POLR3B: variants seen among roughly 807,000 people sequenced by gnomAD.
POLR3B encodes the protein RNA polymerase III subunit B, also known as DNA-directed RNA polymerase III subunit RPC2.
Under a neutral mutation model 147.4 loss-of-function variants are expected in POLR3B, and 96 were observed. The observed-to-expected ratio is 0.65, with a 90% CI of 0.55 to 0.77. The LOEUF (loss-of-function observed/expected upper bound fraction) is 0.77. Among genes scored for constraint, POLR3B ranks in the 30% least tolerant of loss-of-function variants. The pLI, the probability that POLR3B is intolerant of heterozygous loss-of-function variation, is 0.00. For synonymous variants in POLR3B, 461 were observed against 485.9 expected (o/e 0.95, Z 0.67); for missense variants, 1,036 against 1,413.5 (o/e 0.73, Z 4.28).
intron 7 of POLR3B, 144 bp from the exon 8 acceptor site, chr12:106,378,123 A>G: frequency 1.5e-6 from 1 of 648,884 alleles, no homozygotes; most frequent in Non-Finnish European, 2.8e-6. Flanking sequence ...AAATAAAATC[A>G]GCAACCCCTT....
At chr12:106,364,832 A>C (rs997777816) in intron 2 of POLR3B, among the ~76,000 whole-genome samples, 3 of 152,218 alleles carry the variant, frequency 2.0e-5, no homozygotes, top group African/African-American at 7.2e-5. Flanking sequence ...GCTAAGTGAA[A>C]GAATGGAGAC....
intron 16 of POLR3B, among the ~76,000 whole-genome samples, chr12:106,435,590 C>T (rs2037566618): frequency 6.6e-6 from 1 of 152,120 alleles, no homozygotes; most frequent in African/African-American, 2.4e-5. Context: ...TTGTGTGACT[C>T]TGAGTATACT....
chr12:106,453,269 C>T (rs1316252486), intron 19 of POLR3B, among the ~76,000 whole-genome samples: 2 of 152,042 alleles, frequency 1.3e-5, no homozygotes, highest in Non-Finnish European at 2.9e-5. Context: ...ACATCGACCT[C>T]GCAAAGTGCT....
intron 4 of POLR3B, 142 bp downstream of exon 4, chr12:106,366,864 G>C: frequency 1.4e-6 from 1 of 704,464 alleles, no homozygotes; most frequent in Non-Finnish European, 2.5e-6. Flanking sequence ...AGCACTTTGG[G>C]AGGCCGAGGT....
intron 7 of POLR3B, among the ~76,000 whole-genome samples, 198 bp downstream of exon 7, chr12:106,376,648 C>T (rs1446609827): frequency 8.6e-6 from 1 of 116,858 alleles, no homozygotes. Context: ...GATAGTGTCT[C>T]ACTCTGTCAT....
chr12:106,364,755 A>G (rs1046802277), intron 2 of POLR3B, among the ~76,000 whole-genome samples: 1 of 152,266 alleles, frequency 6.6e-6, no homozygotes, highest in Non-Finnish European at 1.5e-5. Context: ...TGTGCAACAG[A>G]GTATTATTTG....
chr12:106,438,379 A>G (rs2037605221), intron 18 of POLR3B, among the ~76,000 whole-genome samples: 1 of 152,172 alleles, frequency 6.6e-6, no homozygotes, highest in African/African-American at 2.4e-5. Context: ...TTTAGATTTA[A>G]TTATCCTTCC....
intron 13 of POLR3B, among the ~76,000 whole-genome samples, chr12:106,428,014 T>A (rs1275012252): frequency 1.3e-5 from 2 of 152,164 alleles, no homozygotes; most frequent in African/African-American, 4.8e-5. Context: ...CCATGTTGAT[T>A]CCCTTAATGA....
rs201400471 is a variant in POLR3B at position 106,496,928 on chromosome 12, C to A, written c.2984+10C>A. 1.2e-6 allele frequency: 2 copies of A among 1,611,562 alleles called. No homozygotes were observed. The highest frequency in any genetic ancestry group is 2.2e-5 in the East Asian group (1 of 44,790). Reference sequence around the variant, plus strand: ...CATCCGGCATCACAGGGTAAGCATGCGATTGAGCTATTTTAAAGAAAAAGA... The same window carrying A: ...CATCCGGCATCACAGGGTAAGCATGAGATTGAGCTATTTTAAAGAAAAAGA... On this transcript the variant is annotated intron_variant, in intron 25 of 27. Transcript: ENST00000228347.
chr12:106,398,173 C>T (rs530072740), intron 10 of POLR3B, among the ~76,000 whole-genome samples: 1 of 152,368 alleles, frequency 6.6e-6, no homozygotes, highest in Admixed American at 6.5e-5. Context: ...AAACGGCACA[C>T]CAGGAGATTA....
rs367600748 is a variant in POLR3B at position 106,361,682 on chromosome 12, CT to C, written c.73-2185del. Among the ~76,000 whole-genome samples the C allele has an allele frequency of 1.1e-3, 161 of 152,330 alleles. 4 individuals carry two copies. The East Asian group carries it at 0.017, about 16-fold the overall frequency. ...ATGAGATGGGGGAAGCTAAACAACACTTTCAAACAGTGTTGTTTGAAATCCT... is the reference window on the plus strand; with the variant it reads ...ATGAGATGGGGGAAGCTAAACAACACTTCAAACAGTGTTGTTTGAAATCCT... On this transcript the variant is annotated intron_variant, in intron 1 of 27. Coordinates refer to ENST00000228347, the MANE Select transcript of POLR3B (RefSeq NM_018082.6).
chr12:106,433,881 G>A lies in POLR3B; in HGVS notation c.1781+9G>A, dbSNP rs758157263. On this transcript the variant is annotated intron_variant, in intron 16 of 27. Coordinates refer to ENST00000228347, the MANE Select transcript of POLR3B (RefSeq NM_018082.6). ...GGGGGAAGGCTATGCAGGTATATAT[G>A]CAGGTTACTAAAAAGAGTTTTTAAG... 18 of 1,608,210 alleles carry A rather than the reference G, an allele frequency of 1.1e-5. No homozygotes were observed. The highest frequency in any genetic ancestry group is 6.7e-5 in the African/African-American group (5 of 74,784).
intron 6 of POLR3B, among the ~76,000 whole-genome samples, chr12:106,374,642 G>A (rs1254392497): frequency 6.6e-6 from 1 of 151,984 alleles, no homozygotes; most frequent in African/African-American, 2.4e-5. Flanking sequence ...AGCCTCCTGA[G>A]TAGCTGGGAC....
Position 106,380,058 on chromosome 12 carries a change from C to G in POLR3B, c.642C>G (p.Thr214=). 8 of 1,612,860 alleles carry G rather than the reference C, an allele frequency of 5.0e-6. No homozygotes were observed. Among genetic ancestry groups the G allele is most frequent in the Non-Finnish European group, 5.9e-6 (7 of 1,179,200 alleles). ...CTACCCATGAGAAAAAAAGCAGAAC[C>G]AATATGGCTGTGAAACAAGGACGAT... is the stretch of plus-strand genomic sequence containing the variant. ...TSSTHEKKSR[T]NMAVKQGRFY... is the part of the protein sequence containing the mutation. Residue 214 remains threonine (T), a synonymous_variant, in exon 9 of 28, where the codon ACC becomes ACG. Coordinates refer to ENST00000228347, the MANE Select transcript of POLR3B (RefSeq NM_018082.6).
Position 106,454,655 on chromosome 12 carries a change from A to G in POLR3B, c.2237A>G (p.Tyr746Cys), listed in dbSNP as rs1228870515. The G allele has an allele frequency of 1.2e-5, 20 of 1,612,370 alleles. No individual in the cohort carries two copies. The highest frequency in any genetic ancestry group is 1.6e-5 in the Non-Finnish European group (19 of 1,178,620). ...AATGCAACAGTTGCTGTGATGAGCTATAGTGGCTATGATATTGAAGATGCT... is the reference window on the plus strand; with the variant it reads ...AATGCAACAGTTGCTGTGATGAGCTGTAGTGGCTATGATATTGAAGATGCT... Reference protein sequence around the residue: ...GQNATVAVMSYSGYDIEDALV... With the variant: ...GQNATVAVMSCSGYDIEDALV... Residue 746 changes from tyrosine (Y) to cysteine (C), a missense_variant, in exon 20 of 28, where the codon TAT becomes TGT. This residue lies in a region of POLR3B where 202 missense variants were observed against 272.8 expected (regional missense o/e 0.74). Coordinates refer to ENST00000228347, the MANE Select transcript of POLR3B (RefSeq NM_018082.6).
intron 14 of POLR3B, among the ~76,000 whole-genome samples, chr12:106,431,184 T>C (rs1471664770): frequency 6.6e-6 from 1 of 152,060 alleles, no homozygotes; most frequent in African/African-American, 2.4e-5. Flanking sequence ...AGATGTAGGG[T>C]CCAAAGTGTA....
rs115727791 is a variant in POLR3B at position 106,415,029 on chromosome 12, A to G, written c.1101+4069A>G. On this transcript the variant is annotated intron_variant, in intron 12 of 27. Coordinates refer to ENST00000228347, the MANE Select transcript of POLR3B (RefSeq NM_018082.6). ...CAGACTCTTTCTGTTCCTTCACTCTACACATCAGGTTCATCAAATCATCAA... is the reference window on the plus strand; with the variant it reads ...CAGACTCTTTCTGTTCCTTCACTCTGCACATCAGGTTCATCAAATCATCAA... Among the ~76,000 whole-genome samples the G allele has an allele frequency of 4.5e-3, 682 of 152,218 alleles. 4 individuals are homozygous for G. Among genetic ancestry groups the G allele is most frequent in the African/African-American group, 0.016 (657 of 41,528 alleles).
chr12:106,450,965 G>C (rs1209542571), intron 19 of POLR3B, among the ~76,000 whole-genome samples: 2 of 152,138 alleles, frequency 1.3e-5, no homozygotes, highest in Admixed American at 1.3e-4. Flanking sequence ...CAGGTGAATG[G>C]ATAAACGAAG....
At chr12:106,396,539 C>T (rs763801327) in intron 10 of POLR3B, among the ~76,000 whole-genome samples, 7 of 152,118 alleles carry the variant, frequency 4.6e-5, no homozygotes, top group Non-Finnish European at 1.0e-4. Context: ...GTAGGAAAAA[C>T]ATACATGTAA....
Sources: allele counts gnomAD v4.1 joint callset (sites outside exome capture counted in the v4.1 genomes callset), GRCh38; gene constraint gnomAD v4.1.1; regional missense constraint gnomAD v4.1.1; transcripts MANE v1.5; gene names NCBI Gene and HGNC (gene_info 2026-07-23, HGNC 2026-07-21).